Variants in MICU2 observed in about 807,000 individuals in gnomAD.
MICU2 encodes the protein calcium uptake protein 2, mitochondrial.
A neutral mutation model predicts 60.4 loss-of-function variants in MICU2; 64 were observed. The ratio of observed to expected loss-of-function variants is 1.06; its 90% CI spans 0.87 to 1.31. The LOEUF (loss-of-function observed/expected upper bound fraction) is 1.31, where lower values mean the gene tolerates loss of function less well. MICU2 is among the 50% of genes most tolerant of loss of function. The pLI is 0.00. For missense variants in MICU2, 569 were observed against 531.0 expected, an observed-to-expected ratio of 1.07 and a Z score of -0.70; for synonymous variants, 201 against 175.0, an observed-to-expected ratio of 1.15 and a Z score of -1.17.
intron 1 of MICU2, among the ~76,000 whole-genome samples, chr13:21,588,077 T>C (rs184333867): frequency 1.3e-4 from 20 of 152,284 alleles, no homozygotes; most frequent in Admixed American, 1.0e-3. Flanking sequence ...TGTAGAGCTT[T>C]TATGCCATAG....
At chr13:21,522,298 A>G (rs1886737608) in intron 5 of MICU2, among the ~76,000 whole-genome samples, 1 of 152,182 alleles carries the variant, frequency 6.6e-6, no homozygotes, top group Admixed American at 6.5e-5. Flanking sequence ...CACACTTTGA[A>G]GAGTACTGGT....
At chr13:21,501,293 T>C (rs528450137) in intron 9 of MICU2, among the ~76,000 whole-genome samples, 20 of 152,116 alleles carry the variant, frequency 1.3e-4, no homozygotes, top group Middle Eastern at 3.4e-3. Context: ...CACAGAGTCT[T>C]GCTCTGTCAC....
At chr13:21,499,039 C>T (rs1014652640) in intron 9 of MICU2, among the ~76,000 whole-genome samples, 2 of 152,172 alleles carry the variant, frequency 1.3e-5, no homozygotes, top group African/African-American at 2.4e-5. Context: ...GAACCTCCGC[C>T]TCCCTCATTC....
chr13:21,535,946 T>C (rs970266220), intron 4 of MICU2, among the ~76,000 whole-genome samples: 10 of 152,210 alleles, frequency 6.6e-5, no homozygotes, highest in Admixed American at 1.3e-4. Flanking sequence ...GTCATAAAAC[T>C]AGGAAAAATT....
intron 2 of MICU2, among the ~76,000 whole-genome samples, chr13:21,552,463 G>T (rs1237076172): frequency 1.3e-5 from 2 of 152,180 alleles, no homozygotes; most frequent in Non-Finnish European, 2.9e-5. Context: ...TTTGGCTTCT[G>T]TTGTCATTGC....
chr13:21,532,221 T>A (rs1887019683), intron 4 of MICU2, among the ~76,000 whole-genome samples: 1 of 152,230 alleles, frequency 6.6e-6, no homozygotes, highest in Non-Finnish European at 1.5e-5. Flanking sequence ...CTTTCTACCT[T>A]GTCTTCAAAT....
chr13:21,535,748 G>A (rs1194344987), intron 4 of MICU2, among the ~76,000 whole-genome samples: 1 of 152,036 alleles, frequency 6.6e-6, no homozygotes, highest in Non-Finnish European at 1.5e-5. Context: ...AGCTAATAGA[G>A]CTAGGAATCT....
At chr13:21,595,945 A>G (rs1888682839) in intron 1 of MICU2, among the ~76,000 whole-genome samples, 1 of 152,114 alleles carries the variant, frequency 6.6e-6, no homozygotes. Context: ...ATCACCTTCT[A>G]CTACTTTTTT....
chr13:21,558,223 A>T (rs184075904), intron 2 of MICU2, among the ~76,000 whole-genome samples: 226 of 152,214 alleles, frequency 1.5e-3, no homozygotes, highest in African/African-American at 5.2e-3. Flanking sequence ...CTCCTCAGGG[A>T]GGCAGTTTTG....
intron 2 of MICU2, among the ~76,000 whole-genome samples, chr13:21,557,919 C>T (rs1385688287): frequency 6.6e-6 from 1 of 152,090 alleles, no homozygotes; most frequent in Non-Finnish European, 1.5e-5. Context: ...TTTACAATGG[C>T]TATTCTAAAG....
chr13:21,517,996 C>A (rs952990265), intron 6 of MICU2, among the ~76,000 whole-genome samples: 14 of 151,906 alleles, frequency 9.2e-5, no homozygotes, highest in Admixed American at 3.9e-4. Flanking sequence ...CACAAAGAAC[C>A]TTCTTTCATG....
chr13:21,553,113 T>C (rs1887615180), intron 2 of MICU2, among the ~76,000 whole-genome samples: 1 of 152,206 alleles, frequency 6.6e-6, no homozygotes, highest in African/African-American at 2.4e-5. Flanking sequence ...CATTGAGCAG[T>C]GGTTTGTAGT....
chr13:21,558,095 A>G (rs887098891), intron 2 of MICU2, among the ~76,000 whole-genome samples: 1 of 152,212 alleles, frequency 6.6e-6, no homozygotes, highest in African/African-American at 2.4e-5. Context: ...AGTACTATTA[A>G]CAATTCCCTG....
intron 4 of MICU2, among the ~76,000 whole-genome samples, chr13:21,531,684 T>C (rs1887004485): frequency 6.6e-6 from 1 of 152,184 alleles, no homozygotes; most frequent in South Asian, 2.1e-4. Context: ...GTAATGGATA[T>C]GAGGTAGCTG....
At chr13:21,594,583 G>A (rs576446374) in intron 1 of MICU2, among the ~76,000 whole-genome samples, 45 of 152,148 alleles carry the variant, frequency 3.0e-4, no homozygotes, top group Non-Finnish European at 6.0e-4. Context: ...GCACACGTAT[G>A]TTTACTGCAG....
At chr13:21,495,014 AAATAT>A in intron 11 of MICU2, 142 bp downstream of exon 11, 1 of 534,630 alleles carries the variant, frequency 1.9e-6, no homozygotes, top group Non-Finnish European at 3.1e-6. Flanking sequence ...CTCATATATA[AAATAT>A]ATTTCTGTAT....
rs73158430 is a variant in MICU2 at position 21,544,532 on chromosome 13, A to C, written c.359-4844T>G. On this transcript the variant is annotated intron_variant, in intron 2 of 11. Coordinates refer to ENST00000382374, the MANE Select transcript of MICU2 (RefSeq NM_152726.3). ...TAAACACATGAAAAAAAAAAAAAAAAAACTCAATACCACTGATCATCAGGG... is the reference window on the plus strand; with the variant it reads ...TAAACACATGAAAAAAAAAAAAAAACAACTCAATACCACTGATCATCAGGG... Among the ~76,000 whole-genome samples, 140 of 132,470 alleles carry C rather than the reference A, an allele frequency of 1.1e-3. 1 individual carries two copies. Among genetic ancestry groups the C allele is most frequent in the East Asian group, 2.2e-3 (10 of 4,530 alleles). The allele number at this position is 132,470 out of a possible 152,430, so 86.9% of individuals were successfully genotyped here.
chr13:21,530,932 C>A, intron 4 of MICU2: 1 of 763,832 alleles, frequency 1.3e-6, no homozygotes, highest in South Asian at 1.4e-5. Flanking sequence ...GAATGTTGGC[C>A]CCAATCCTGT....
chr13:21,559,863 G>C (rs1053398534), intron 2 of MICU2, among the ~76,000 whole-genome samples: 5 of 152,148 alleles, frequency 3.3e-5, no homozygotes, highest in Admixed American at 2.0e-4. Flanking sequence ...AACTAACAGT[G>C]TATAAAAATC....
Sources: gnomAD v4.1 joint callset for allele counts (sites outside exome capture counted in the v4.1 genomes callset) on GRCh38, gnomAD v4.1.1 for gene constraint, MANE v1.5 for transcripts, NCBI Gene and HGNC (gene_info 2026-07-23, HGNC 2026-07-21) for gene names.